The following GABRB2 variants were observed in gnomAD, a reference collection of about 807,000 sequenced individuals.
The protein encoded by GABRB2 is gamma-aminobutyric acid receptor subunit beta-2.
Under a neutral mutation model 54.7 loss-of-function variants are expected in GABRB2, and 16 were observed. That is an observed-to-expected ratio of 0.29 (90% CI 0.20 to 0.44). GABRB2 has a LOEUF of 0.44. Among genes scored for constraint, GABRB2 ranks in the 20% least tolerant of loss-of-function variants. The pLI is 1.00. For synonymous variants in GABRB2, 244 were observed against 233.8 expected, an observed-to-expected ratio of 1.04 and a Z score of -0.40; for missense variants, 355 against 644.0, an observed-to-expected ratio of 0.55 and a Z score of 4.86.
chr5:161,415,560 T>C (rs1218698326), intron 4 of GABRB2, among the ~76,000 whole-genome samples: 1 of 152,218 alleles, frequency 6.6e-6, no homozygotes, highest in African/African-American at 2.4e-5. Context: ...TGTCATTACC[T>C]GAGATTTATT....
intron 9 of GABRB2, among the ~76,000 whole-genome samples, chr5:161,325,860 G>A (rs887363953): frequency 5.9e-5 from 9 of 152,032 alleles, no homozygotes; most frequent in Non-Finnish European, 1.0e-4. Context: ...TGATGAGCCT[G>A]CCAATACAAT....
chr5:161,355,844 C>G (rs2113442852), intron 5 of GABRB2, among the ~76,000 whole-genome samples: 1 of 152,218 alleles, frequency 6.6e-6, no homozygotes, highest in African/African-American at 2.4e-5. Flanking sequence ...TATTTAGTAT[C>G]CAACCTACAG....
At chr5:161,324,721 A>C (rs1472096064) in intron 9 of GABRB2, among the ~76,000 whole-genome samples, 1 of 152,156 alleles carries the variant, frequency 6.6e-6, no homozygotes, top group Non-Finnish European at 1.5e-5. Context: ...TTCAAATACT[A>C]GACCTTATTT....
At chr5:161,351,569 A>C (rs1019275028) in intron 5 of GABRB2, among the ~76,000 whole-genome samples, 2 of 152,124 alleles carry the variant, frequency 1.3e-5, no homozygotes, top group African/African-American at 2.4e-5. Flanking sequence ...TCAAGACTTA[A>C]ATGTAAGACC....
intron 4 of GABRB2, among the ~76,000 whole-genome samples, chr5:161,443,878 G>T (rs1757535201): frequency 6.6e-6 from 1 of 152,114 alleles, no homozygotes; most frequent in Non-Finnish European, 1.5e-5. Context: ...AACCCTTAAT[G>T]AATCATCTTA....
intron 5 of GABRB2, among the ~76,000 whole-genome samples, chr5:161,401,511 T>C (rs947474991): frequency 9.2e-5 from 14 of 152,232 alleles, no homozygotes; most frequent in African/African-American, 3.4e-4. Context: ...TTATTTGCCA[T>C]AGTGATACCT....
chr5:161,532,267 T>C (rs1378755548), intron 3 of GABRB2, among the ~76,000 whole-genome samples: 2 of 152,148 alleles, frequency 1.3e-5, no homozygotes, highest in African/African-American at 4.8e-5. Flanking sequence ...TGTGTGTATA[T>C]GTATGCGTGT....
chr5:161,460,977 A>T (rs1339477510), intron 3 of GABRB2, among the ~76,000 whole-genome samples: 1 of 152,172 alleles, frequency 6.6e-6, no homozygotes, highest in Non-Finnish European at 1.5e-5. Context: ...AGGCCCTAAG[A>T]TAAATAGACA....
intron 4 of GABRB2, among the ~76,000 whole-genome samples, chr5:161,452,229 T>C (rs1213606772): frequency 6.6e-6 from 1 of 152,170 alleles, no homozygotes; most frequent in African/African-American, 2.4e-5. Flanking sequence ...TCTTGAGCAA[T>C]TGAAATATTT....
intron 3 of GABRB2, among the ~76,000 whole-genome samples, chr5:161,506,196 A>G (rs1322010175): frequency 6.6e-6 from 1 of 152,110 alleles, no homozygotes; most frequent in Admixed American, 6.5e-5. Context: ...TCAACATACT[A>G]AGGAAAAGTT....
chr5:161,408,520 C>A (rs965699435), intron 5 of GABRB2, among the ~76,000 whole-genome samples: 2 of 151,972 alleles, frequency 1.3e-5, no homozygotes, highest in South Asian at 2.1e-4. Context: ...AATGAATGAA[C>A]AATTAGCTCA....
intron 2 of GABRB2, among the ~76,000 whole-genome samples, 155 bp downstream of exon 2, chr5:161,546,167 A>T (rs1396646912): frequency 6.6e-6 from 1 of 152,224 alleles, no homozygotes; most frequent in Non-Finnish European, 1.5e-5. Context: ...GCAATAATCC[A>T]GCTTAAGTTT....
Position 161,546,596 on chromosome 5 carries a change from G to A in GABRB2, c.48C>T (p.Pro16=), listed in dbSNP as rs1265831842. Residue 16 remains proline (P), a synonymous_variant, in exon 1 of 10, where the codon CCC becomes CCT. Coordinates refer to ENST00000393959, the MANE Select transcript of GABRB2 (RefSeq NM_001371727.1). Reference sequence around the variant, plus strand: ...GCGCACAGACAGCGGCGATTATTAAGGGGAAGGACCAAATCCCAAAGTAGC... The same window carrying A: ...GCGCACAGACAGCGGCGATTATTAAAGGGAAGGACCAAATCCCAAAGTAGC... ...KRGYFGIWSF[P]LIIAAVCAQS... The A allele has an allele frequency of 1.2e-6, 2 of 1,601,112 alleles. No individual in the cohort carries two copies. Among genetic ancestry groups the A allele is most frequent in the Admixed American group, 1.7e-5 (1 of 58,158 alleles).
At chr5:161,510,276 T>A (rs1384938089) in intron 3 of GABRB2, among the ~76,000 whole-genome samples, 2 of 150,788 alleles carry the variant, frequency 1.3e-5, no homozygotes, top group Admixed American at 1.3e-4. Flanking sequence ...CCTCTAGTAA[T>A]CATCCTTCTA....
intron 3 of GABRB2, among the ~76,000 whole-genome samples, chr5:161,535,435 CAACT>C (rs961292346): frequency 4.6e-5 from 7 of 151,702 alleles, no homozygotes; most frequent in African/African-American, 1.2e-4. Context: ...TTTGGTCCAC[CAACT>C]GTTTCCAAAA....
At chr5:161,385,690 G>A (rs115548394) in intron 5 of GABRB2, among the ~76,000 whole-genome samples, 2,919 of 152,142 alleles carry the variant, frequency 0.019, 39 homozygotes, top group Middle Eastern at 0.082. Flanking sequence ...TAAAATATTG[G>A]GTGACACAAA....
intron 5 of GABRB2, among the ~76,000 whole-genome samples, chr5:161,338,498 A>G (rs1754058184): frequency 1.3e-5 from 2 of 152,116 alleles, no homozygotes; most frequent in Admixed American, 1.3e-4. Flanking sequence ...TTTAAAAGTA[A>G]ATTTCAGGGC....
chr5:161,311,814 G>A (rs1463030478), intron 9 of GABRB2, among the ~76,000 whole-genome samples: 2 of 152,218 alleles, frequency 1.3e-5, no homozygotes, highest in East Asian at 1.9e-4. Flanking sequence ...AGATCCCTAG[G>A]TCATTTTTAT....
rs924126112 is a variant in GABRB2, at chr5:161,289,729, G to C, written c.*4352C>G. ...TGTTATATTGACTACATAAATAGTAGAGTGTTTCCCATAGACGGGCAGAGA... is the reference window on the plus strand; with the variant it reads ...TGTTATATTGACTACATAAATAGTACAGTGTTTCCCATAGACGGGCAGAGA... On this transcript the variant is annotated 3_prime_UTR_variant, in exon 10 of 10. Coordinates refer to ENST00000393959, the MANE Select transcript of GABRB2 (RefSeq NM_001371727.1). The C allele has an allele frequency of 6.6e-6, 1 of 151,996 alleles. No individual in the cohort carries two copies. The highest frequency in any genetic ancestry group is 2.1e-4 in the South Asian group (1 of 4,828). 9.4% of individuals were successfully genotyped at this position (151,996 alleles called of 1,614,324 possible).
Sources: allele counts gnomAD v4.1 joint callset (sites outside exome capture counted in the v4.1 genomes callset), GRCh38; gene constraint gnomAD v4.1.1; transcripts MANE v1.5; gene names NCBI Gene and HGNC (gene_info 2026-07-23, HGNC 2026-07-21).